Variants in PCDH9 observed in about 807,000 individuals in gnomAD.
The protein encoded by PCDH9 is protocadherin 9.
In PCDH9, 24 loss-of-function variants were observed where a neutral mutation model predicts 70.6. That is an observed-to-expected ratio of 0.34 (90% CI 0.25 to 0.48). The LOEUF is 0.48. Among genes scored for constraint, PCDH9 ranks in the 20% least tolerant of loss-of-function variants. The pLI is 0.99. For synonymous variants in PCDH9, 562 were observed against 558.5 expected (o/e 1.01, Z -0.09); for missense variants, 1,281 against 1,503.6 (o/e 0.85, Z 2.45).
chr13:66,832,038 T>C (rs1000955257), intron 3 of PCDH9, among the ~76,000 whole-genome samples: 2 of 152,134 alleles, frequency 1.3e-5, no homozygotes, highest in Non-Finnish European at 2.9e-5. Context: ...GACCAAAACA[T>C]AGGAGGCCAC....
chr13:66,491,124 C>T (rs1959025558), intron 4 of PCDH9, among the ~76,000 whole-genome samples: 1 of 152,104 alleles, frequency 6.6e-6, no homozygotes. Flanking sequence ...TTCACTGCCT[C>T]TTACAAAATA....
intron 4 of PCDH9, among the ~76,000 whole-genome samples, chr13:66,314,502 G>C (rs1336619685): frequency 6.6e-6 from 1 of 152,158 alleles, no homozygotes; most frequent in Non-Finnish European, 1.5e-5. Context: ...TCACCTATGT[G>C]AGCGCATGTA....
At chr13:67,077,418 C>T (rs903913044) in intron 2 of PCDH9, among the ~76,000 whole-genome samples, 1 of 152,044 alleles carries the variant, frequency 6.6e-6, no homozygotes, top group African/African-American at 2.4e-5. Flanking sequence ...CCTTATCACC[C>T]TATTTAAAAA....
intron 3 of PCDH9, among the ~76,000 whole-genome samples, chr13:66,777,804 A>G (rs2079923358): frequency 6.6e-6 from 1 of 152,120 alleles, no homozygotes; most frequent in Admixed American, 6.6e-5. Context: ...AGGACTATAA[A>G]TCATGCTGCT....
chr13:66,845,415 G>T (rs2081190672), intron 3 of PCDH9, among the ~76,000 whole-genome samples: 1 of 152,252 alleles, frequency 6.6e-6, no homozygotes, highest in Non-Finnish European at 1.5e-5. Flanking sequence ...ATCTGGCGCG[G>T]GAAGCAGGGA....
chr13:66,365,503 C>T, intron 4 of PCDH9, among the ~76,000 whole-genome samples: 1 of 152,196 alleles, frequency 6.6e-6, no homozygotes, highest in Non-Finnish European at 1.5e-5. Context: ...AACAGAAGCA[C>T]ATCTCATCAG....
At chr13:67,027,137 A>G (rs1450468233) in intron 2 of PCDH9, among the ~76,000 whole-genome samples, 8 of 152,188 alleles carry the variant, frequency 5.3e-5, no homozygotes, top group Admixed American at 1.3e-4. Flanking sequence ...ACAAAGCTGG[A>G]GGCATCACAC....
chr13:67,104,962 T>C (rs967119756), intron 2 of PCDH9, among the ~76,000 whole-genome samples: 2 of 152,236 alleles, frequency 1.3e-5, no homozygotes, highest in Non-Finnish European at 2.9e-5. Context: ...TTCCCTAAAA[T>C]AGTTTTTGCA....
rs563315873 is a variant in PCDH9 at position 66,523,048 on chromosome 13, G to T, written c.3340+108162C>A. Among the ~76,000 whole-genome samples the T allele has an allele frequency of 2.0e-4, 31 of 152,140 alleles. 1 individual carries two copies. In the South Asian group the frequency reaches 6.2e-3, roughly 31 times the overall value. On this transcript the variant is annotated intron_variant, in intron 4 of 4. Coordinates refer to ENST00000377865, the MANE Select transcript of PCDH9 (RefSeq NM_203487.3). ...CCACTGCATTTCTTTTACTTGCAGG[G>T]TGTTGCTTCAAAATGATTTTAAAGC...
chr13:66,601,958 T>C (rs1224484717), intron 4 of PCDH9, among the ~76,000 whole-genome samples: 6 of 146,254 alleles, frequency 4.1e-5, no homozygotes, highest in African/African-American at 1.2e-4. Context: ...TACAGCTTTA[T>C]GTATTTACTA....
rs886758591 is a variant in PCDH9, at chr13:66,958,623, G to A, written c.3037-55018C>T. 2.0e-5 allele frequency among the ~76,000 whole-genome samples: 3 copies of A among 152,066 alleles called. No homozygotes were observed. The South Asian group carries it at 6.2e-4, about 32-fold the overall frequency. ...TTCCATTCATTTTTCTCTCTTAGAA[G>A]TACAACTAGGACAGTCTATTCATTG... On this transcript the variant is annotated intron_variant, in intron 2 of 4. Transcript: ENST00000377865.
At chr13:66,684,468 T>C (rs1020795645) in intron 3 of PCDH9, among the ~76,000 whole-genome samples, 7 of 152,184 alleles carry the variant, frequency 4.6e-5, no homozygotes, top group Non-Finnish European at 8.8e-5. Flanking sequence ...GGGAGGAAAC[T>C]GAATCATGGG....
At chr13:67,110,126 T>A (rs1342047808) in intron 2 of PCDH9, among the ~76,000 whole-genome samples, 1 of 151,876 alleles carries the variant, frequency 6.6e-6, no homozygotes, top group Non-Finnish European at 1.5e-5. Flanking sequence ...CTGACATTTT[T>A]AAAAAGTCCT....
At position 66,958,857 on chromosome 13, in the gene PCDH9, A is replaced by G. The variant is rs183941849; in HGVS notation, c.3037-55252T>C. On this transcript the variant is annotated intron_variant, in intron 2 of 4. Coordinates refer to ENST00000377865, the MANE Select transcript of PCDH9 (RefSeq NM_203487.3). ...GTGGTTCTCTCTGCAGAGATTCGTC[A>G]TGCTATGTTTTATACTTAGACGTTT... 7.6e-3 allele frequency among the ~76,000 whole-genome samples: 1,151 copies of G among 152,302 alleles called. 7 individuals carry two copies. The highest frequency in any genetic ancestry group is 0.017 in the Middle Eastern group (5 of 294).
rs561500975 is a variant in PCDH9, at chr13:67,166,113, C to T, written c.3036+59292G>A. ...TTTGCAATGGATTCCTTTGGATTTT[C>T]CTATCAGCATGGCCTCTGCTGAACA... On this transcript the variant is annotated intron_variant, in intron 2 of 4. Transcript: ENST00000377865. Among the ~76,000 whole-genome samples, 342 of 152,256 alleles carry T rather than the reference C, an allele frequency of 2.2e-3. 1 individual carries two copies. The highest frequency in any genetic ancestry group is 8.0e-3 in the African/African-American group (332 of 41,552).
intron 4 of PCDH9, among the ~76,000 whole-genome samples, chr13:66,518,348 T>C (rs1484366977): frequency 6.6e-6 from 1 of 152,094 alleles, no homozygotes; most frequent in Admixed American, 6.6e-5. Flanking sequence ...GGGATTAGAT[T>C]TCAACCTGAG....
intron 4 of PCDH9, among the ~76,000 whole-genome samples, chr13:66,402,006 A>T (rs2245974): frequency 0.037 from 5,646 of 152,302 alleles, 347 homozygotes; most frequent in African/African-American, 0.13. Flanking sequence ...TTGCTTGACC[A>T]GGAGGTTGAC....
intron 2 of PCDH9, among the ~76,000 whole-genome samples, chr13:67,031,421 C>T (rs2084903596): frequency 6.6e-6 from 1 of 152,054 alleles, no homozygotes; most frequent in East Asian, 1.9e-4. Flanking sequence ...TATAATTATA[C>T]AGGCCAGGCG....
intron 2 of PCDH9, among the ~76,000 whole-genome samples, chr13:67,092,646 T>A (rs2086240877): frequency 6.6e-6 from 1 of 152,208 alleles, no homozygotes; most frequent in African/African-American, 2.4e-5. Context: ...GATAGTAGCA[T>A]ACCTTGTTTG....
Sources: gnomAD v4.1 joint callset for allele counts (sites outside exome capture counted in the v4.1 genomes callset) on GRCh38, gnomAD v4.1.1 for gene constraint, MANE v1.5 for transcripts, NCBI Gene and HGNC (gene_info 2026-07-23, HGNC 2026-07-21) for gene names.